The following SEMA6D variants were observed in gnomAD, a reference collection of about 807,000 sequenced individuals.
SEMA6D encodes the protein semaphorin 6D.
Under a neutral mutation model 106.6 loss-of-function variants are expected in SEMA6D, and 35 were observed. The observed-to-expected ratio is 0.33, with a 90% CI of 0.25 to 0.44. The LOEUF (loss-of-function observed/expected upper bound fraction) is 0.44. SEMA6D is among the 20% of genes least tolerant of loss of function. The pLI, the probability that SEMA6D is intolerant of heterozygous loss-of-function variation, is 1.00. For missense variants in SEMA6D, 1,185 were observed against 1,345.9 expected, an observed-to-expected ratio of 0.88 and a Z score of 1.87; for synonymous variants, 499 against 487.7, an observed-to-expected ratio of 1.02 and a Z score of -0.31.
chr15:47,455,952 G>GC (rs1056409452), intron 2 of SEMA6D, among the ~76,000 whole-genome samples: 2 of 151,766 alleles, frequency 1.3e-5, no homozygotes, highest in Non-Finnish European at 2.9e-5. Context: ...TATAGCTTCA[G>GC]CCCCCCTCCA....
At chr15:47,401,070 G>C (rs1228757371) in intron 1 of SEMA6D, among the ~76,000 whole-genome samples, 1 of 152,182 alleles carries the variant, frequency 6.6e-6, no homozygotes, top group Non-Finnish European at 1.5e-5. Flanking sequence ...TAGCCTACCT[G>C]ATAGGGTTGC....
intron 1 of SEMA6D, among the ~76,000 whole-genome samples, chr15:47,328,518 G>A (rs1168034810): frequency 2.0e-5 from 3 of 152,206 alleles, no homozygotes; most frequent in Non-Finnish European, 2.9e-5. Context: ...TACCTCAACT[G>A]CTGTAGATGA....
At position 47,767,024 on chromosome 15, in the gene SEMA6D, T is replaced by C; in HGVS notation, c.1709-13T>C. Reference sequence around the variant, plus strand: ...TACTTTTCACTGATTACTTGTTCCTTTAATTCTTTTAGAAATTTTGCCTAC... The same window carrying C: ...TACTTTTCACTGATTACTTGTTCCTCTAATTCTTTTAGAAATTTTGCCTAC... On this transcript the variant is annotated splice_polypyrimidine_tract_variant and intron_variant, in intron 16 of 18. Coordinates refer to ENST00000536845, the MANE Select transcript of SEMA6D (RefSeq NM_001358351.3). 1 of 1,529,620 alleles carries C rather than the reference T, an allele frequency of 6.5e-7. No homozygotes were observed. The highest frequency in any genetic ancestry group is 8.9e-7 in the Non-Finnish European group (1 of 1,126,954). The allele number at this position is 1,529,620 out of a possible 1,614,324, so 94.8% of individuals were successfully genotyped here. A position where few individuals can be genotyped will look rare whatever the true frequency, so the allele number is the denominator to read the frequency against.
At chr15:47,369,855 A>C (rs537494822) in intron 1 of SEMA6D, among the ~76,000 whole-genome samples, 1 of 152,240 alleles carries the variant, frequency 6.6e-6, no homozygotes, top group South Asian at 2.1e-4. Context: ...TAAATATGAA[A>C]ATAGCTTGTA....
chr15:47,526,808 C>G (rs1260563821), intron 3 of SEMA6D, among the ~76,000 whole-genome samples: 1 of 152,116 alleles, frequency 6.6e-6, no homozygotes, highest in Admixed American at 6.5e-5. Flanking sequence ...GTGATCTCCG[C>G]TAACTGCAAC....
chr15:47,450,599 T>C (rs2042161526), intron 2 of SEMA6D, among the ~76,000 whole-genome samples: 1 of 152,042 alleles, frequency 6.6e-6, no homozygotes, highest in Non-Finnish European at 1.5e-5. Flanking sequence ...TGTCTGGATT[T>C]TTCTAGTGTG....
chr15:47,579,846 A>G (rs1399668851), intron 3 of SEMA6D, among the ~76,000 whole-genome samples: 1 of 152,208 alleles, frequency 6.6e-6, no homozygotes, highest in East Asian at 1.9e-4. Context: ...GAAGTAAAGA[A>G]TCATCACAAA....
chr15:47,303,029 A>G (rs913584862), intron 1 of SEMA6D, among the ~76,000 whole-genome samples: 24 of 152,206 alleles, frequency 1.6e-4, no homozygotes, highest in African/African-American at 5.3e-4. Context: ...ACTTGGGCCT[A>G]TGCTGGTTGT....
chr15:47,761,741 C>G lies in SEMA6D; in HGVS notation c.528C>G (p.Ala176=). 1.9e-6 allele frequency: 3 copies of G among 1,610,806 alleles called. No homozygotes were observed. Among genetic ancestry groups the G allele is most frequent in the Middle Eastern group, 1.7e-4 (1 of 6,038 alleles). The change falls in exon 7 of 19, where the codon GCC becomes GCG. Residue 176 remains alanine (A), a synonymous_variant. Coordinates refer to ENST00000536845, the MANE Select transcript of SEMA6D (RefSeq NM_001358351.3). Reference sequence around the variant, plus strand: ...TTGATGCCAGACAAACCAATGTTGCCCTCTTTGCTGGTAAGATCCTTTAGC... The same window carrying G: ...TTGATGCCAGACAAACCAATGTTGCGCTCTTTGCTGGTAAGATCCTTTAGC... The part of the protein sequence containing the change: ...CPFDARQTNV[A]LFADGKLYSA...
intron 1 of SEMA6D, among the ~76,000 whole-genome samples, chr15:47,720,205 A>G (rs1202381453): frequency 6.6e-6 from 1 of 150,658 alleles, no homozygotes; most frequent in Non-Finnish European, 1.5e-5. Context: ...ACTGCATCCT[A>G]CAGAATATTC....
chr15:47,724,577 T>G (rs2079619868), intron 1 of SEMA6D, among the ~76,000 whole-genome samples: 1 of 136,586 alleles, frequency 7.3e-6, no homozygotes, highest in African/African-American at 2.8e-5. Context: ...TGAGGGGTGG[T>G]GGGGGAGGTG....
intron 3 of SEMA6D, among the ~76,000 whole-genome samples, chr15:47,470,703 G>A (rs1020809822): frequency 2.6e-5 from 4 of 152,108 alleles, no homozygotes; most frequent in Admixed American, 2.6e-4. Context: ...TGACTAAGTG[G>A]TCAGGTTGGG....
rs531522872 is a variant in SEMA6D, at chr15:47,231,830, T to C, written c.-239+47412T>C. 2.1e-4 allele frequency among the ~76,000 whole-genome samples: 32 copies of C among 152,154 alleles called. 2 individuals are homozygous for C. The South Asian group carries it at 5.6e-3, about 27-fold the overall frequency. On this transcript the variant is annotated intron_variant, in intron 1 of 19. Transcript: ENST00000558014. ...TTATAAACTCCCTTTGAAAATTGAT[T>C]CTTTTTTTAACATAAAATTCACATA...
chr15:47,300,840 C>G (rs2035991475), intron 1 of SEMA6D, among the ~76,000 whole-genome samples: 1 of 152,196 alleles, frequency 6.6e-6, no homozygotes, highest in Admixed American at 6.5e-5. Context: ...ATGTAGCCAC[C>G]AAGCTCAGTC....
intron 2 of SEMA6D, among the ~76,000 whole-genome samples, chr15:47,460,166 A>G (rs1167370906): frequency 6.6e-6 from 1 of 152,108 alleles, no homozygotes; most frequent in Non-Finnish European, 1.5e-5. Flanking sequence ...ATGGCGAGGA[A>G]TTCTCCTCCT....
In SEMA6D at chr15:47,311,059, C is replaced by G. The variant is rs147231583; in HGVS notation, c.-238-101334C>G. Reference sequence around the variant, plus strand: ...TCAATTTGGAATTTCAATCAAAGCTCGATCATTAAAGCCTCATTGTCCTCC... The same window carrying G: ...TCAATTTGGAATTTCAATCAAAGCTGGATCATTAAAGCCTCATTGTCCTCC... On this transcript the variant is annotated intron_variant, in intron 1 of 19. Coordinates refer to the SEMA6D transcript ENST00000558014. Among the ~76,000 whole-genome samples the G allele has an allele frequency of 5.0e-4, 76 of 152,264 alleles. 1 individual carries two copies. The highest frequency in any genetic ancestry group is 1.6e-3 in the African/African-American group (68 of 41,562).
At chr15:47,197,565 G>C (rs1894443543) in intron 1 of SEMA6D, among the ~76,000 whole-genome samples, 1 of 151,118 alleles carries the variant, frequency 6.6e-6, no homozygotes, top group Non-Finnish European at 1.5e-5. Context: ...TGGAGAGGGG[G>C]AATTAATTGA....
chr15:47,206,274 G>T (rs1053973774), intron 1 of SEMA6D, among the ~76,000 whole-genome samples: 2 of 152,022 alleles, frequency 1.3e-5, no homozygotes, highest in Non-Finnish European at 2.9e-5. Context: ...TTTTTGGCAT[G>T]CATATGGAAT....
intron 2 of SEMA6D, among the ~76,000 whole-genome samples, chr15:47,414,765 G>A (rs2040905962): frequency 6.6e-6 from 1 of 152,152 alleles, no homozygotes. Context: ...CTGTTGAACA[G>A]ATAGACTTGT....
Sources: allele counts gnomAD v4.1 joint callset (sites outside exome capture counted in the v4.1 genomes callset), GRCh38; gene constraint gnomAD v4.1.1; transcripts MANE v1.5; gene names NCBI Gene and HGNC (gene_info 2026-07-23, HGNC 2026-07-21).